The following STK32B variants were observed in gnomAD, a reference collection of about 807,000 sequenced individuals.
STK32B encodes the protein serine/threonine-protein kinase 32B.
A neutral mutation model predicts 52.6 loss-of-function variants in STK32B; 43 were observed. The ratio of observed to expected loss-of-function variants is 0.82; its 90% CI spans 0.64 to 1.05. STK32B has a LOEUF of 1.05. STK32B is among the 50% of genes least tolerant of loss of function. The pLI is 0.00. For synonymous variants in STK32B, 238 were observed against 204.3 expected (o/e 1.17, Z -1.41); for missense variants, 621 against 534.6 (o/e 1.16, Z -1.59).
chr4:5,322,869 T>C (rs1731609290), intron 3 of STK32B, among the ~76,000 whole-genome samples: 1 of 152,194 alleles, frequency 6.6e-6, no homozygotes, highest in Non-Finnish European at 1.5e-5. Flanking sequence ...TCATATGTGT[T>C]CACGTGTATT....
intron 11 of STK32B, among the ~76,000 whole-genome samples, chr4:5,482,645 G>A (rs138202196): frequency 0.011 from 1,619 of 152,290 alleles, 28 homozygotes; most frequent in African/African-American, 0.036. Flanking sequence ...TAGTGAGAGA[G>A]GGCATCCCTA....
chr4:5,306,389 C>T (rs1010675748), intron 3 of STK32B, among the ~76,000 whole-genome samples: 1 of 152,006 alleles, frequency 6.6e-6, no homozygotes, highest in African/African-American at 2.4e-5. Flanking sequence ...GGAACTCCAG[C>T]GTTAGGTTCA....
intron 4 of STK32B, among the ~76,000 whole-genome samples, chr4:5,367,182 C>T (rs767467802): frequency 4.7e-4 from 71 of 152,246 alleles, no homozygotes; most frequent in South Asian, 1.5e-3. Context: ...ACGGGCCTTT[C>T]GTAAGACATT....
the STK32B span, among the ~76,000 whole-genome samples, chr4:5,041,729 G>A: frequency 6.6e-6 from 1 of 151,958 alleles, no homozygotes; most frequent in South Asian, 2.1e-4. Context: ...CGCTATCTGA[G>A]TGAGATGACT....
Position 5,499,549 on chromosome 4 carries a change from A to T in STK32B, c.*466A>T, listed in dbSNP as rs1720572157. 6.5e-6 allele frequency: 1 copy of T among 153,954 alleles called. No individual in the cohort carries two copies. The highest frequency in any genetic ancestry group is 1.4e-5 in the Non-Finnish European group (1 of 69,318). The allele number at this position is 153,954 out of a possible 1,614,324, so 9.5% of individuals were successfully genotyped here. A position where few individuals can be genotyped will look rare whatever the true frequency, so the allele number is the denominator to read the frequency against. ...CGAAAAACACAGCCCTGACAGCAAA[A>T]TAAAGGTCTGATATGTTGGCCCCTT... On this transcript the variant is annotated 3_prime_UTR_variant, in exon 12 of 12. Transcript: ENST00000282908.
chr4:5,344,294 C>T (rs1733301867), intron 4 of STK32B, among the ~76,000 whole-genome samples: 1 of 152,138 alleles, frequency 6.6e-6, no homozygotes, highest in Admixed American at 6.5e-5. Context: ...AAATTTTTAC[C>T]AGTAGCATTA....
chr4:5,418,855 G>C (rs1207140818), intron 6 of STK32B, among the ~76,000 whole-genome samples: 1 of 152,208 alleles, frequency 6.6e-6, no homozygotes, highest in African/African-American at 2.4e-5. Context: ...AGTTAGAGTT[G>C]CACATGGGTA....
At position 5,288,484 on chromosome 4, in the gene STK32B, T is replaced by G. The variant is rs560735291; in HGVS notation, c.261-42736T>G. Among the ~76,000 whole-genome samples, 9 of 152,354 alleles carry G rather than the reference T, an allele frequency of 5.9e-5. 1 individual carries two copies. In the East Asian group the frequency reaches 1.7e-3, roughly 29 times the overall value. ...TTTCGTGTTAAATGTCCCTGATGATTAATGATGTTGAACATCTTTTCATGG... is the reference window on the plus strand; with the variant it reads ...TTTCGTGTTAAATGTCCCTGATGATGAATGATGTTGAACATCTTTTCATGG... On this transcript the variant is annotated intron_variant, in intron 3 of 11. Coordinates refer to ENST00000282908, the MANE Select transcript of STK32B (RefSeq NM_018401.3).
intron 3 of STK32B, among the ~76,000 whole-genome samples, chr4:5,194,248 C>T (rs925598271): frequency 1.3e-5 from 2 of 152,158 alleles, no homozygotes; most frequent in African/African-American, 2.4e-5. Context: ...CTGCTGTGTT[C>T]CCCTAAATAG....
chr4:5,205,187 C>T (rs1722471582), intron 3 of STK32B, among the ~76,000 whole-genome samples: 1 of 151,364 alleles, frequency 6.6e-6, no homozygotes, highest in African/African-American at 2.5e-5. Context: ...ATCATTGCCT[C>T]TCCTGGTCCT....
chr4:5,468,878 G>A (rs756632323), intron 11 of STK32B, among the ~76,000 whole-genome samples: 24 of 152,012 alleles, frequency 1.6e-4, no homozygotes, highest in African/African-American at 2.2e-4. Flanking sequence ...GTGAAACCCC[G>A]TCTCTTCTAA....
chr4:5,315,228 T>A (rs1730585431), intron 3 of STK32B, among the ~76,000 whole-genome samples: 1 of 137,068 alleles, frequency 7.3e-6, no homozygotes, highest in Non-Finnish European at 1.5e-5. Flanking sequence ...TTCATCTTCC[T>A]TCTCCATTAG....
chr4:5,027,375 G>C, the STK32B span, among the ~76,000 whole-genome samples: 1 of 152,204 alleles, frequency 6.6e-6, no homozygotes, highest in African/African-American at 2.4e-5. Flanking sequence ...GGCAGGAGGA[G>C]CTGTGTCCCA....
chr4:5,409,529 T>G (rs1737884416), intron 5 of STK32B, among the ~76,000 whole-genome samples: 1 of 152,108 alleles, frequency 6.6e-6, no homozygotes, highest in South Asian at 2.1e-4. Flanking sequence ...ATCATGGACA[T>G]AGAGAAATGG....
intron 3 of STK32B, among the ~76,000 whole-genome samples, chr4:5,267,458 G>A (rs569059782): frequency 1.3e-5 from 2 of 152,238 alleles, no homozygotes; most frequent in African/African-American, 4.8e-5. Context: ...TCTAGGTAGG[G>A]AGAGACTCCT....
chr4:5,155,427 A>G (rs1449831094), intron 2 of STK32B, among the ~76,000 whole-genome samples: 4 of 152,180 alleles, frequency 2.6e-5, no homozygotes, highest in East Asian at 1.9e-4. Context: ...GCTAAGCAGT[A>G]TACATGCACA....
intron 3 of STK32B, among the ~76,000 whole-genome samples, chr4:5,297,975 A>G (rs1261148687): frequency 6.6e-6 from 1 of 152,090 alleles, no homozygotes; most frequent in Admixed American, 6.5e-5. Context: ...TTGCATGGGC[A>G]TCCTTTTTGT....
At chr4:5,055,449 C>T (rs755208863) in intron 1 of STK32B, among the ~76,000 whole-genome samples, 5 of 152,044 alleles carry the variant, frequency 3.3e-5, no homozygotes, top group South Asian at 2.1e-4. Context: ...CATGGTCTGT[C>T]CCTACCCCCG....
At chr4:5,253,018 C>G (rs766998882) in intron 3 of STK32B, among the ~76,000 whole-genome samples, 11 of 152,136 alleles carry the variant, frequency 7.2e-5, no homozygotes, top group Non-Finnish European at 1.3e-4. Context: ...AGGGCTTGTG[C>G]TTGCTCTTTG....
Sources: allele counts gnomAD v4.1 joint callset (sites outside exome capture counted in the v4.1 genomes callset), GRCh38; gene constraint gnomAD v4.1.1; transcripts MANE v1.5; gene names NCBI Gene and HGNC (gene_info 2026-07-23, HGNC 2026-07-21).